LRRTM4: variants seen among roughly 807,000 people sequenced by gnomAD.
LRRTM4 encodes the protein leucine-rich repeat transmembrane neuronal protein 4.
LRRTM4 carries 25 observed loss-of-function variants against 47.6 expected under a neutral mutation model. That is an observed-to-expected ratio of 0.53 (90% CI 0.38 to 0.73). The LOEUF is 0.73. LRRTM4 is among the 30% of genes least tolerant of loss of function. The pLI, the probability that LRRTM4 is intolerant of heterozygous loss-of-function variation, is 0.00. For synonymous variants in LRRTM4, 311 were observed against 269.5 expected (o/e 1.15, Z -1.51); for missense variants, 638 against 713.4 (o/e 0.89, Z 1.20).
chr2:76,968,481 C>T (rs1057415514), intron 3 of LRRTM4, among the ~76,000 whole-genome samples: 8 of 148,552 alleles, frequency 5.4e-5, no homozygotes, highest in Admixed American at 3.4e-4. Context: ...TGTATCTATC[C>T]ATCTACCTAT....
chr2:77,288,934 A>G (rs1385698347), intron 3 of LRRTM4, among the ~76,000 whole-genome samples: 1 of 152,016 alleles, frequency 6.6e-6, no homozygotes, highest in Non-Finnish European at 1.5e-5. Flanking sequence ...CACTGGGAAA[A>G]AAAATTCATC....
chr2:76,979,696 C>A (rs905991338), intron 3 of LRRTM4, among the ~76,000 whole-genome samples: 8 of 146,450 alleles, frequency 5.5e-5, no homozygotes, highest in Non-Finnish European at 1.0e-4. Context: ...AGAGTATAAG[C>A]GATAGATAGA....
chr2:77,266,200 C>T (rs1676044521), intron 3 of LRRTM4, among the ~76,000 whole-genome samples: 1 of 152,120 alleles, frequency 6.6e-6, no homozygotes, highest in Non-Finnish European at 1.5e-5. Flanking sequence ...AAAAAGATTG[C>T]TTATCTCTGA....
At chr2:77,219,751 G>T (rs941594611) in intron 3 of LRRTM4, among the ~76,000 whole-genome samples, 2 of 152,152 alleles carry the variant, frequency 1.3e-5, no homozygotes, top group Admixed American at 1.3e-4. Context: ...CACTTTGGTG[G>T]CAATAACAGC....
intron 3 of LRRTM4, among the ~76,000 whole-genome samples, chr2:77,194,066 T>C (rs1673748888): frequency 6.6e-6 from 1 of 152,140 alleles, no homozygotes; most frequent in African/African-American, 2.4e-5. Context: ...GCTTTGATGG[T>C]TATTGAGAAA....
intron 3 of LRRTM4, among the ~76,000 whole-genome samples, chr2:77,412,586 A>G (rs1674485867): frequency 6.6e-6 from 1 of 152,228 alleles, no homozygotes; most frequent in South Asian, 2.1e-4. Context: ...AACTGAAGAT[A>G]TGACAACATT....
intron 3 of LRRTM4, among the ~76,000 whole-genome samples, chr2:77,430,721 C>CAA (rs59430158): frequency 0.4 from 49,124 of 121,808 alleles, 9,905 homozygotes; most frequent in African/African-American, 0.47. Flanking sequence ...AACTCTGTCT[C>CAA]AAAAAAAAAA....
chr2:77,358,917 T>G (rs1282787420), intron 3 of LRRTM4, among the ~76,000 whole-genome samples: 4 of 152,204 alleles, frequency 2.6e-5, no homozygotes, highest in Non-Finnish European at 4.4e-5. Context: ...ATTATCTCTC[T>G]TGAAACTTGG....
chr2:76,749,297 A>G (rs1046502658), intron 3 of LRRTM4, among the ~76,000 whole-genome samples: 1 of 152,166 alleles, frequency 6.6e-6, no homozygotes, highest in Non-Finnish European at 1.5e-5. Flanking sequence ...GTAATACGGC[A>G]AGATATGGTA....
intron 3 of LRRTM4, among the ~76,000 whole-genome samples, chr2:76,943,927 A>G (rs548457102): frequency 4.6e-5 from 7 of 152,252 alleles, no homozygotes; most frequent in African/African-American, 1.7e-4. Flanking sequence ...ACTTGGGGCC[A>G]TTATCCTAGT....
chr2:76,809,531 T>C (rs2103813588), intron 3 of LRRTM4, among the ~76,000 whole-genome samples: 1 of 152,286 alleles, frequency 6.6e-6, no homozygotes, highest in Middle Eastern at 3.4e-3. Flanking sequence ...CTTCCTACCC[T>C]TCCCCTGCTA....
At chr2:77,401,805 C>T (rs1673969983) in intron 3 of LRRTM4, among the ~76,000 whole-genome samples, 1 of 151,834 alleles carries the variant, frequency 6.6e-6, no homozygotes, top group African/African-American at 2.4e-5. Context: ...CAAAGACTTA[C>T]AAAAGTCTGT....
chr2:77,231,138 C>A (rs1427754182), intron 3 of LRRTM4, among the ~76,000 whole-genome samples: 2 of 151,900 alleles, frequency 1.3e-5, no homozygotes, highest in African/African-American at 4.8e-5. Context: ...TAAATATAGT[C>A]TCTGTTTTAT....
At chr2:76,884,228 T>G (rs189731825) in intron 3 of LRRTM4, among the ~76,000 whole-genome samples, 1 of 152,180 alleles carries the variant, frequency 6.6e-6, no homozygotes, top group Non-Finnish European at 1.5e-5. Context: ...GAAGGAGATA[T>G]TTCCAAAACT....
chr2:77,029,485 GGA>G (rs1454612801), intron 3 of LRRTM4, among the ~76,000 whole-genome samples: 2 of 149,116 alleles, frequency 1.3e-5, no homozygotes, highest in African/African-American at 5.2e-5. Context: ...ATGCAGCATG[GGA>G]GAAAGATGAA....
intron 3 of LRRTM4, among the ~76,000 whole-genome samples, chr2:77,461,626 CT>C (rs555900489): frequency 4.6e-5 from 7 of 151,776 alleles, no homozygotes; most frequent in Non-Finnish European, 4.4e-5. Context: ...AAATATCAAG[CT>C]TTTTTTTCAG....
intron 3 of LRRTM4, among the ~76,000 whole-genome samples, chr2:77,153,618 T>C (rs749063733): frequency 3.9e-5 from 6 of 152,206 alleles, no homozygotes; most frequent in African/African-American, 9.6e-5. Context: ...GATATGTTTT[T>C]ATATCACTTT....
At chr2:76,885,073 A>G (rs1673031799) in intron 3 of LRRTM4, among the ~76,000 whole-genome samples, 1 of 151,926 alleles carries the variant, frequency 6.6e-6, no homozygotes, top group Non-Finnish European at 1.5e-5. Context: ...AAATGTTAGT[A>G]GTGCTTCTGC....
intron 3 of LRRTM4, among the ~76,000 whole-genome samples, chr2:76,950,288 G>A (rs1675454386): frequency 6.6e-6 from 1 of 151,852 alleles, no homozygotes; most frequent in Non-Finnish European, 1.5e-5. Context: ...TTACATTTTA[G>A]CTCACATATC....
Sources: gnomAD v4.1 joint callset for allele counts (sites outside exome capture counted in the v4.1 genomes callset) on GRCh38, gnomAD v4.1.1 for gene constraint, MANE v1.5 for transcripts, NCBI Gene and HGNC (gene_info 2026-07-23, HGNC 2026-07-21) for gene names.